The following WNT2 variants were observed in gnomAD, a reference collection of about 807,000 sequenced individuals.
The protein encoded by WNT2 is Wnt family member 2.
In WNT2, 12 loss-of-function variants were observed where a neutral mutation model predicts 36.9. That is an observed-to-expected ratio of 0.33 (90% confidence interval 0.21 to 0.53). The LOEUF is 0.53. WNT2 is among the 20% of genes least tolerant of loss of function. WNT2 has a pLI of 0.95. For synonymous variants in WNT2, 163 were observed against 174.6 expected (o/e 0.93, Z 0.52); for missense variants, 379 against 473.1 (o/e 0.80, Z 1.84).
intron 4 of WNT2, among the ~76,000 whole-genome samples, chr7:117,280,324 C>G (rs1794459287): frequency 6.6e-6 from 1 of 152,136 alleles, no homozygotes; most frequent in South Asian, 2.1e-4. Context: ...CCAAATGCTG[C>G]CTCTTCACAG....
chr7:117,287,260 G>T (rs190252843), intron 4 of WNT2, among the ~76,000 whole-genome samples: 1 of 152,136 alleles, frequency 6.6e-6, no homozygotes, highest in Non-Finnish European at 1.5e-5. Flanking sequence ...CAGGAGAATC[G>T]CTTGAACCCA....
intron 3 of WNT2, among the ~76,000 whole-genome samples, chr7:117,306,478 G>A (rs1163381439): frequency 3.9e-5 from 6 of 152,188 alleles, no homozygotes; most frequent in South Asian, 2.1e-4. Context: ...GTGGGATACC[G>A]AAAGCTTCCT....
chr7:117,287,499 T>C (rs1794606586), intron 4 of WNT2, among the ~76,000 whole-genome samples: 1 of 152,042 alleles, frequency 6.6e-6, no homozygotes, highest in South Asian at 2.1e-4. Flanking sequence ...ACCTCCTTCA[T>C]TAGGCCTGTA....
At chr7:117,315,906 C>T (rs967676921) in intron 2 of WNT2, among the ~76,000 whole-genome samples, 1 of 152,218 alleles carries the variant, frequency 6.6e-6, no homozygotes, top group African/African-American at 2.4e-5. Context: ...GAAGAGAATT[C>T]TGGCAGTAAC....
intron 2 of WNT2, among the ~76,000 whole-genome samples, chr7:117,320,125 T>C (rs1185116568): frequency 1.3e-5 from 2 of 152,188 alleles, no homozygotes; most frequent in African/African-American, 4.8e-5. Flanking sequence ...ATCACTTAAG[T>C]GGTGTTTTTG....
intron 3 of WNT2, among the ~76,000 whole-genome samples, chr7:117,304,099 G>A (rs977119706): frequency 6.6e-6 from 1 of 152,174 alleles, no homozygotes; most frequent in Non-Finnish European, 1.5e-5. Context: ...TAACGTGGAC[G>A]CATTTTCTGA....
intron 2 of WNT2, among the ~76,000 whole-genome samples, chr7:117,318,621 TC>T (rs1795264074): frequency 6.6e-6 from 1 of 152,222 alleles, no homozygotes; most frequent in African/African-American, 2.4e-5. Flanking sequence ...CACTGCAACC[TC>T]CTCCTCCCAG....
At chr7:117,285,797 A>G (rs1794568277) in intron 4 of WNT2, among the ~76,000 whole-genome samples, 1 of 152,240 alleles carries the variant, frequency 6.6e-6, no homozygotes, top group Non-Finnish European at 1.5e-5. Context: ...AGTTCACCTA[A>G]GAGGAAAGTG....
At chr7:117,301,997 C>T (rs1009644993) in intron 3 of WNT2, among the ~76,000 whole-genome samples, 11 of 151,668 alleles carry the variant, frequency 7.3e-5, no homozygotes, top group African/African-American at 1.7e-4. Context: ...TTAGTAGAGA[C>T]GGGGTTTCTC....
chr7:117,317,752 C>T (rs966889836), intron 2 of WNT2, among the ~76,000 whole-genome samples: 3 of 152,158 alleles, frequency 2.0e-5, no homozygotes, highest in Admixed American at 1.3e-4. Context: ...GGAGATAAAT[C>T]AAGCAATGCC....
In WNT2 at chr7:117,302,178, G is replaced by A. The variant is rs529381534; in HGVS notation, c.589-4302C>T. Among the ~76,000 whole-genome samples, 6 of 152,212 alleles carry A rather than the reference G, an allele frequency of 3.9e-5. No homozygotes were observed. The East Asian group carries it at 1.2e-3, about 29-fold the overall frequency. On this transcript the variant is annotated intron_variant, in intron 3 of 4. Transcript: ENST00000265441. ...TGGGGCAGAGGAGGAAGAAGAGGTA[G>A]AGAGAGAAATAATGGGGGATTACAT...
At chr7:117,291,269 G>A (rs117244406) in intron 4 of WNT2, among the ~76,000 whole-genome samples, 2,605 of 152,284 alleles carry the variant, frequency 0.017, 31 homozygotes, top group Non-Finnish European at 0.024. Context: ...ACTGAGCTCC[G>A]TTTGTTTTTT....
intron 2 of WNT2, among the ~76,000 whole-genome samples, chr7:117,317,067 C>T (rs1005398121): frequency 1.1e-4 from 17 of 152,090 alleles, no homozygotes; most frequent in African/African-American, 3.4e-4. Context: ...TAGAAGCCGG[C>T]GCCCATGTTT....
chr7:117,317,096 AGGAAAT>A (rs1795235344), intron 2 of WNT2, among the ~76,000 whole-genome samples: 1 of 152,222 alleles, frequency 6.6e-6, no homozygotes. Flanking sequence ...CACATAGAGG[AGGAAAT>A]TCCCAAAAGC....
chr7:117,278,212 A>G lies in WNT2; in HGVS notation c.1026T>C (p.Ala342=). ...CAVRCQDCLE[A]LDVHTCKAPK... Reference sequence around the variant, plus strand: ...GGGCCTTGCATGTGTGCACATCCAGAGCTTCCAGGCAGTCCTGACAGCGCA... The same window carrying G: ...GGGCCTTGCATGTGTGCACATCCAGGGCTTCCAGGCAGTCCTGACAGCGCA... The change falls in exon 5 of 5, where the codon GCT becomes GCC. Residue 342 remains alanine (A), a synonymous_variant. Transcript: ENST00000265441. 6.2e-7 allele frequency: 1 copy of G among 1,614,178 alleles called. No individual in the cohort carries two copies. The highest frequency in any genetic ancestry group is 8.5e-7 in the Non-Finnish European group (1 of 1,180,020).
At chr7:117,309,738 C>T (rs1186672913) in intron 3 of WNT2, among the ~76,000 whole-genome samples, 1 of 152,150 alleles carries the variant, frequency 6.6e-6, no homozygotes, top group Non-Finnish European at 1.5e-5. Context: ...ATGCCTCAGT[C>T]AAGAACTCCT....
intron 4 of WNT2, among the ~76,000 whole-genome samples, chr7:117,288,548 C>T (rs917135395): frequency 6.6e-6 from 1 of 152,116 alleles, no homozygotes; most frequent in African/African-American, 2.4e-5. Context: ...TTAACGTCAT[C>T]CTTTTGTTTG....
chr7:117,293,724 C>T (rs1794734116), intron 4 of WNT2, among the ~76,000 whole-genome samples: 1 of 151,876 alleles, frequency 6.6e-6, no homozygotes, highest in African/African-American at 2.4e-5. Context: ...TTTCCTAATG[C>T]AATAGGATTT....
At position 117,276,155 on chromosome 7, in the gene WNT2, G is replaced by T. The variant is rs1324405740; in HGVS notation, c.*2000C>A. ...TGCACCAATCCCTTCGCCTCTCTTG[G>T]TCTCAATTTCCCCAAACTAAAGGAA... On this transcript the variant is annotated 3_prime_UTR_variant, in exon 5 of 5. Coordinates refer to ENST00000265441, the MANE Select transcript of WNT2 (RefSeq NM_003391.3). Among the ~76,000 whole-genome samples the T allele has an allele frequency of 6.6e-6, 1 of 152,196 alleles. No individual in the cohort carries two copies. The highest frequency in any genetic ancestry group is 2.1e-4 in the South Asian group (1 of 4,830).
Sources: allele counts gnomAD v4.1 joint callset (sites outside exome capture counted in the v4.1 genomes callset), GRCh38; gene constraint gnomAD v4.1.1; transcripts MANE v1.5; gene names NCBI Gene and HGNC (gene_info 2026-07-23, HGNC 2026-07-21).